Variants in EIF4G3 observed in about 807,000 individuals in gnomAD.
EIF4G3 encodes the protein eukaryotic translation initiation factor 4 gamma 3, also known as eIF-4-gamma 3.
In EIF4G3, 34 loss-of-function variants were observed where a neutral mutation model predicts 186.4. The observed-to-expected ratio is 0.18, with a 90% CI of 0.14 to 0.24. The LOEUF (loss-of-function observed/expected upper bound fraction) is 0.24. Among genes scored for constraint, EIF4G3 ranks in the 10% least tolerant of loss-of-function variants. The pLI, the probability that EIF4G3 is intolerant of heterozygous loss-of-function variation, is 1.00. For missense variants in EIF4G3, 1,536 were observed against 1,948.5 expected (o/e 0.79, Z 3.99); for synonymous variants, 673 against 679.5 (o/e 0.99, Z 0.15).
intron 4 of EIF4G3, among the ~76,000 whole-genome samples, chr1:21,028,893 T>C (rs1571307140): frequency 3.3e-5 from 5 of 152,340 alleles, no homozygotes; most frequent in Admixed American, 3.3e-4. Context: ...AATAAATCAT[T>C]AATTTTTTGT....
intron 30 of EIF4G3, among the ~76,000 whole-genome samples, chr1:20,836,890 T>C (rs2066907916): frequency 6.6e-6 from 1 of 152,198 alleles, no homozygotes. Context: ...CATGTACCTA[T>C]ACAATAATGC....
Position 21,124,549 on chromosome 1 carries a change from G to A in EIF4G3, c.-271-35336C>T, listed in dbSNP as rs140661022. On this transcript the variant is annotated intron_variant, in intron 2 of 36. Transcript: ENST00000602326. Reference sequence around the variant, plus strand: ...AGAAGACGGCCAGACTGACTTCTGGGAATAGTCAGAAGCCTTCATGGGACT... The same window carrying A: ...AGAAGACGGCCAGACTGACTTCTGGAAATAGTCAGAAGCCTTCATGGGACT... Among the ~76,000 whole-genome samples the A allele has an allele frequency of 5.3e-5, 8 of 152,292 alleles. No homozygotes were observed. In the East Asian group the frequency reaches 1.4e-3, roughly 26 times the overall value.
At chr1:21,087,941 T>G (rs923997906) in intron 3 of EIF4G3, among the ~76,000 whole-genome samples, 1 of 150,108 alleles carries the variant, frequency 6.7e-6, no homozygotes, top group Admixed American at 6.6e-5. Context: ...CCAAAAAAAT[T>G]TTTTAATTAG....
chr1:20,819,872 AG>A (rs1415164857), intron 33 of EIF4G3, among the ~76,000 whole-genome samples: 1 of 152,116 alleles, frequency 6.6e-6, no homozygotes. Flanking sequence ...ACTCAGGGAG[AG>A]GGAGTGGAGA....
intron 4 of EIF4G3, among the ~76,000 whole-genome samples, chr1:21,023,993 T>C (rs1382408582): frequency 7.4e-6 from 1 of 134,676 alleles, no homozygotes; most frequent in African/African-American, 2.8e-5. Context: ...GGCCGCCCAG[T>C]CTGAGAAGTG....
intron 14 of EIF4G3, among the ~76,000 whole-genome samples, chr1:20,919,618 A>C (rs893437348): frequency 1.3e-5 from 2 of 152,232 alleles, no homozygotes; most frequent in African/African-American, 2.4e-5. Flanking sequence ...CATTTTAACT[A>C]ATCTGAAATT....
chr1:20,929,130 A>C (rs909131993), intron 14 of EIF4G3, among the ~76,000 whole-genome samples: 2 of 152,202 alleles, frequency 1.3e-5, no homozygotes, highest in African/African-American at 4.8e-5. Context: ...ATCAGTTGAT[A>C]AACTGATTTG....
intron 14 of EIF4G3, among the ~76,000 whole-genome samples, chr1:20,919,804 GA>G (rs1408655302): frequency 1.3e-5 from 2 of 152,148 alleles, no homozygotes; most frequent in African/African-American, 4.8e-5. Flanking sequence ...CCCTTTTATA[GA>G]GAAGAAAATC....
chr1:20,839,506 A>G (rs1027470209), intron 30 of EIF4G3, among the ~76,000 whole-genome samples: 1 of 152,116 alleles, frequency 6.6e-6, no homozygotes, highest in South Asian at 2.1e-4. Context: ...AATAAATTCA[A>G]CAATGACTTT....
chr1:20,922,777 C>T (rs1014474849), intron 14 of EIF4G3, among the ~76,000 whole-genome samples: 2 of 152,148 alleles, frequency 1.3e-5, no homozygotes, highest in South Asian at 2.1e-4. Context: ...GACTTGGATA[C>T]AAGCTAAGAA....
At chr1:21,148,693 CTCTG>C (rs1442253462) in intron 2 of EIF4G3, among the ~76,000 whole-genome samples, 3 of 133,916 alleles carry the variant, frequency 2.2e-5, no homozygotes, top group Non-Finnish European at 3.1e-5. Flanking sequence ...CAGAGTGAGA[CTCTG>C]TCTCATTTAA....
At chr1:21,043,121 C>A in intron 4 of EIF4G3, among the ~76,000 whole-genome samples, 1 of 152,068 alleles carries the variant, frequency 6.6e-6, no homozygotes, top group East Asian at 1.9e-4. Context: ...GAGAGGTAGC[C>A]AGAGAAATAA....
chr1:21,146,550 C>A (rs1365360545), intron 2 of EIF4G3, among the ~76,000 whole-genome samples: 1 of 151,948 alleles, frequency 6.6e-6, no homozygotes, highest in Non-Finnish European at 1.5e-5. Context: ...CAGCTGAGGT[C>A]AGGAGTTCAA....
chr1:21,161,125 C>T (rs1260182903), intron 2 of EIF4G3, among the ~76,000 whole-genome samples: 2 of 151,962 alleles, frequency 1.3e-5, no homozygotes, highest in East Asian at 3.9e-4. Flanking sequence ...GAGCACACAT[C>T]GCACCACTGC....
intron 3 of EIF4G3, among the ~76,000 whole-genome samples, chr1:21,073,134 C>A (rs537399900): frequency 1.3e-5 from 2 of 152,262 alleles, no homozygotes; most frequent in African/African-American, 2.4e-5. Context: ...CCTATAAACT[C>A]CAATTCATCT....
chr1:20,911,912 T>C (rs1338529745), intron 14 of EIF4G3, among the ~76,000 whole-genome samples: 3 of 151,958 alleles, frequency 2.0e-5, no homozygotes, highest in East Asian at 1.9e-4. Context: ...TAAATATAGA[T>C]AGCTAGACTC....
intron 6 of EIF4G3, 103 bp from the exon 7 acceptor site, chr1:20,997,736 C>G (rs1362414238): frequency 1.2e-6 from 1 of 853,582 alleles, no homozygotes. Context: ...AGAAAAAAAA[C>G]CCACAGTGGG....
At chr1:21,119,317 A>C (rs1288947081) in intron 2 of EIF4G3, among the ~76,000 whole-genome samples, 7 of 152,114 alleles carry the variant, frequency 4.6e-5, no homozygotes, top group Non-Finnish European at 8.8e-5. Flanking sequence ...CTGACTAAAT[A>C]AAAGGGGAAA....
intron 4 of EIF4G3, among the ~76,000 whole-genome samples, chr1:21,029,472 G>T (rs1297600629): frequency 6.6e-6 from 1 of 151,936 alleles, no homozygotes; most frequent in Non-Finnish European, 1.5e-5. Context: ...AGTCGGGGGG[G>T]GGAAGGGAAC....
Sources: gnomAD v4.1 joint callset for allele counts (sites outside exome capture counted in the v4.1 genomes callset) on GRCh38, gnomAD v4.1.1 for gene constraint, MANE v1.5 for transcripts, NCBI Gene and HGNC (gene_info 2026-07-23, HGNC 2026-07-21) for gene names.